Variants in PGAP1 observed in about 807,000 individuals in gnomAD.
The protein encoded by PGAP1 is GPI inositol-deacylase.
A neutral mutation model predicts 127.0 loss-of-function variants in PGAP1; 76 were observed. That is an observed-to-expected ratio of 0.60 (90% confidence interval 0.50 to 0.72). PGAP1 has a LOEUF of 0.72. PGAP1 is among the 30% of genes least tolerant of loss of function. The pLI, the probability that PGAP1 is intolerant of heterozygous loss-of-function variation, is 0.00. For missense variants in PGAP1, 982 were observed against 1,071.3 expected (o/e 0.92, Z 1.16); for synonymous variants, 362 against 366.5 (o/e 0.99, Z 0.14).
intron 4 of PGAP1, 111 bp downstream of exon 4, chr2:196,912,771 C>T: frequency 3.1e-6 from 3 of 982,012 alleles, no homozygotes; most frequent in Non-Finnish European, 2.8e-6. Flanking sequence ...AACTGAGTTG[C>T]TTCATACATG....
intron 9 of PGAP1, among the ~76,000 whole-genome samples, chr2:196,891,720 T>A (rs1221683962): frequency 6.6e-6 from 1 of 152,054 alleles, no homozygotes; most frequent in Non-Finnish European, 1.5e-5. Flanking sequence ...GTATATAGAA[T>A]TAACTAGAAT....
chr2:196,871,020 C>G, intron 18 of PGAP1, 41 bp from the exon 19 acceptor site: 1 of 1,395,920 alleles, frequency 7.2e-7, no homozygotes, highest in East Asian at 2.3e-5. Context: ...TTATTTTCCT[C>G]TAAACTCCTT....
In PGAP1 at chr2:196,863,842, G is replaced by A. The variant is rs949115224; in HGVS notation, c.1861+1145C>T. ...GATCCGCCCGCCTCGGCCTCCCAAA[G>A]TGCTGGGATTACAGGCATGAGCCAG... is the stretch of plus-strand genomic sequence containing the variant. On this transcript the variant is annotated intron_variant, in intron 20 of 26. Coordinates refer to ENST00000354764, the MANE Select transcript of PGAP1 (RefSeq NM_024989.4). Among the ~76,000 whole-genome samples, 4 of 152,094 alleles carry A rather than the reference G, an allele frequency of 2.6e-5. No homozygotes were observed. The East Asian group carries it at 7.8e-4, about 30-fold the overall frequency.
chr2:196,916,791 A>G (rs1349373720), intron 2 of PGAP1, among the ~76,000 whole-genome samples, 198 bp from the exon 3 acceptor site: 6 of 152,228 alleles, frequency 3.9e-5, no homozygotes, highest in Non-Finnish European at 8.8e-5. Context: ...TAAGTGTGTC[A>G]TAAATATTTT....
chr2:196,880,177 A>G, intron 12 of PGAP1, 24 bp from the exon 13 acceptor site: 1 of 1,347,154 alleles, frequency 7.4e-7, no homozygotes, highest in Non-Finnish European at 1.0e-6. Context: ...AAAAGAAACT[A>G]CTTTTATTTC....
At chr2:196,852,023 C>T (rs1193877874) in intron 20 of PGAP1, among the ~76,000 whole-genome samples, 2 of 152,074 alleles carry the variant, frequency 1.3e-5, no homozygotes, top group Non-Finnish European at 2.9e-5. Flanking sequence ...AAATTTTGTT[C>T]CACAGCCTTA....
At chr2:196,872,593 G>A in intron 17 of PGAP1, 44 bp from the exon 18 acceptor site, 1 of 1,359,858 alleles carries the variant, frequency 7.4e-7, no homozygotes, top group Non-Finnish European at 1.1e-6. Context: ...ACAAAATGCT[G>A]GTAAAGAGCC....
Position 196,867,230 on chromosome 2 carries a change from A to G in PGAP1, c.1768-2150T>C, listed in dbSNP as rs1701271580. Among the ~76,000 whole-genome samples the G allele has an allele frequency of 1.3e-5, 2 of 151,740 alleles. 1 individual carries two copies. The highest frequency in any genetic ancestry group is 4.8e-5 in the African/African-American group (2 of 41,376). On this transcript the variant is annotated intron_variant, in intron 19 of 26. Coordinates refer to ENST00000354764, the MANE Select transcript of PGAP1 (RefSeq NM_024989.4). ...TCACAATAGCAAAGACTTGGAATCA[A>G]CCCATCAATGATAGACTGGATAAAG...
chr2:196,894,364 G>A (rs1429133079), intron 7 of PGAP1, among the ~76,000 whole-genome samples: 2 of 152,158 alleles, frequency 1.3e-5, no homozygotes, highest in Non-Finnish European at 2.9e-5. Context: ...TCTAGATACG[G>A]TGTCAGTAGA....
chr2:196,886,368 C>A (rs887989772), intron 10 of PGAP1, among the ~76,000 whole-genome samples: 6 of 151,882 alleles, frequency 4.0e-5, no homozygotes, highest in African/African-American at 1.5e-4. Flanking sequence ...ACCATGTTGG[C>A]CAGGCTGGTC....
At chr2:196,858,679 T>G (rs992906820) in intron 20 of PGAP1, among the ~76,000 whole-genome samples, 5 of 150,826 alleles carry the variant, frequency 3.3e-5, no homozygotes, top group African/African-American at 4.9e-5. Flanking sequence ...ATAATAAAGA[T>G]CAGAGCAGAA....
chr2:196,903,036 G>A (rs528615815), intron 4 of PGAP1, among the ~76,000 whole-genome samples: 2 of 152,002 alleles, frequency 1.3e-5, no homozygotes, highest in South Asian at 2.1e-4. Flanking sequence ...CATTCCACAA[G>A]GATGATGCTT....
At chr2:196,863,358 G>A (rs1446139470) in intron 20 of PGAP1, among the ~76,000 whole-genome samples, 1 of 152,038 alleles carries the variant, frequency 6.6e-6, no homozygotes, top group Admixed American at 6.6e-5. Flanking sequence ...AAAGAAAATG[G>A]TAATATATAC....
chr2:196,838,915 G>T lies in PGAP1; in HGVS notation c.*2319C>A, dbSNP rs1700321602. The T allele has an allele frequency of 6.6e-6, 1 of 152,348 alleles. No individual in the cohort carries two copies. Among genetic ancestry groups the T allele is most frequent in the African/African-American group, 2.4e-5 (1 of 41,434 alleles). The allele number at this position is 152,348 out of a possible 1,614,324, so 9.4% of individuals were successfully genotyped here. On this transcript the variant is annotated 3_prime_UTR_variant, in exon 27 of 27. Transcript: ENST00000354764. ...AAAAATTAGCCAGGTGTGGTGGCGG[G>T]TGTCTGTAGTCCCAGCTACTCGGGA...
At chr2:196,920,973 A>G (rs538621014) in intron 1 of PGAP1, among the ~76,000 whole-genome samples, 58 of 152,234 alleles carry the variant, frequency 3.8e-4, no homozygotes, top group Non-Finnish European at 6.8e-4. Context: ...GTAGTAAAGT[A>G]TACATACACC....
At chr2:196,853,249 T>C (rs1442675328) in intron 20 of PGAP1, among the ~76,000 whole-genome samples, 2 of 152,234 alleles carry the variant, frequency 1.3e-5, no homozygotes, top group African/African-American at 4.8e-5. Context: ...TTTTGTCACC[T>C]CCTGTAACTT....
Position 196,833,827 on chromosome 2 carries a change from A to G in PGAP1, c.*7407T>C, listed in dbSNP as rs1700161512. The G allele has an allele frequency of 6.6e-6, 1 of 152,138 alleles. No individual in the cohort carries two copies. Among genetic ancestry groups the G allele is most frequent in the South Asian group, 2.1e-4 (1 of 4,834 alleles). The allele number at this position is 152,138 out of a possible 1,614,324, so 9.4% of individuals were successfully genotyped here. ...TGAATAAAATAATTTGGACCTTAAT[A>G]TAAATTATATCCATTATTTTAAATA... On this transcript the variant is annotated 3_prime_UTR_variant, in exon 27 of 27. Coordinates refer to ENST00000354764, the MANE Select transcript of PGAP1 (RefSeq NM_024989.4).
intron 5 of PGAP1, among the ~76,000 whole-genome samples, chr2:196,899,755 C>T (rs1010234415): frequency 6.6e-6 from 1 of 152,324 alleles, no homozygotes; most frequent in African/African-American, 2.4e-5. Flanking sequence ...TGACTGAGAT[C>T]GGGCGTAGTG....
intron 13 of PGAP1, among the ~76,000 whole-genome samples, chr2:196,876,798 A>G (rs114637212): frequency 0.022 from 3,351 of 152,138 alleles, 44 homozygotes; most frequent in Non-Finnish European, 0.034. Context: ...CAAAAGTGAA[A>G]AACAGACAGG....
Sources: gnomAD v4.1 joint callset for allele counts (sites outside exome capture counted in the v4.1 genomes callset) on GRCh38, gnomAD v4.1.1 for gene constraint, MANE v1.5 for transcripts, NCBI Gene and HGNC (gene_info 2026-07-23, HGNC 2026-07-21) for gene names.